Variants in ARHGAP29 observed in about 807,000 individuals in gnomAD.
ARHGAP29 encodes the protein Rho GTPase activating protein 29.
A neutral mutation model predicts 122.6 loss-of-function variants in ARHGAP29; 43 were observed. The observed-to-expected ratio is 0.35, with a 90% CI of 0.27 to 0.45. ARHGAP29 has a LOEUF of 0.45. Among genes scored for constraint, ARHGAP29 ranks in the 20% least tolerant of loss-of-function variants. The pLI is 1.00. For synonymous variants in ARHGAP29, 506 were observed against 497.1 expected, an observed-to-expected ratio of 1.02 and a Z score of -0.24; for missense variants, 1,303 against 1,477.2, an observed-to-expected ratio of 0.88 and a Z score of 1.93.
chr1:94,227,482 T>C (rs772209104), intron 2 of ARHGAP29, among the ~76,000 whole-genome samples: 3 of 151,858 alleles, frequency 2.0e-5, no homozygotes, highest in African/African-American at 4.8e-5. Context: ...TACTATATAA[T>C]AAAAAAGCTA....
At chr1:94,305,730 G>A in the ARHGAP29 span, among the ~76,000 whole-genome samples, 2 of 152,144 alleles carry the variant, frequency 1.3e-5, no homozygotes, top group East Asian at 1.9e-4. Flanking sequence ...GGAGAGAGTG[G>A]GAATAGAGGT....
chr1:94,211,088 CA>C (rs1034680896), intron 3 of ARHGAP29, among the ~76,000 whole-genome samples: 5 of 151,528 alleles, frequency 3.3e-5, no homozygotes, highest in African/African-American at 1.2e-4. Flanking sequence ...AGTTCAAGAC[CA>C]GCCTGGGCAA....
chr1:94,204,145 T>A (rs77020055), intron 7 of ARHGAP29, 151 bp from the exon 8 acceptor site: 12 of 167,404 alleles, frequency 7.2e-5, no homozygotes, highest in East Asian at 1.3e-4. Context: ...TCTTTCTTCC[T>A]TTTTTTTTTT....
the ARHGAP29 span, among the ~76,000 whole-genome samples, chr1:94,298,459 C>T: frequency 1.3e-5 from 2 of 152,176 alleles, no homozygotes; most frequent in African/African-American, 4.8e-5. Flanking sequence ...CAACTTTTAA[C>T]GATTGCAAGA....
At chr1:94,270,602 T>C (rs1258408495) in intron 1 of ARHGAP29, among the ~76,000 whole-genome samples, 1 of 152,210 alleles carries the variant, frequency 6.6e-6, no homozygotes, top group Non-Finnish European at 1.5e-5. Flanking sequence ...CAGGACCTCA[T>C]GACCACAGCT....
intron 15 of ARHGAP29, among the ~76,000 whole-genome samples, chr1:94,188,279 T>C (rs1419707365): frequency 6.6e-6 from 1 of 152,130 alleles, no homozygotes; most frequent in Non-Finnish European, 1.5e-5. Context: ...TAAAGCACAT[T>C]TGTAAAAAAT....
chr1:94,261,694 C>G (rs1291821771), intron 1 of ARHGAP29, among the ~76,000 whole-genome samples: 1 of 152,094 alleles, frequency 6.6e-6, no homozygotes, highest in Non-Finnish European at 1.5e-5. Flanking sequence ...ATACAGCTAA[C>G]AAGGGAGGTG....
Position 94,172,164 on chromosome 1 carries a change from G to A in ARHGAP29, c.*1705C>T, listed in dbSNP as rs141171232. 3 of 152,084 alleles carry A rather than the reference G, an allele frequency of 2.0e-5. No homozygotes were observed. The highest frequency in any genetic ancestry group is 7.2e-5 in the African/African-American group (3 of 41,414). 9.4% of individuals were successfully genotyped at this position (152,084 alleles called of 1,614,324 possible). ...CCTGTTACACCTGTGGAACACTGAA[G>A]CAAGTCATTTAACTAAGCCTTAGTT... On this transcript the variant is annotated 3_prime_UTR_variant, in exon 23 of 23. Transcript: ENST00000260526.
At chr1:94,307,657 G>T in the ARHGAP29 span, among the ~76,000 whole-genome samples, 1 of 151,960 alleles carries the variant, frequency 6.6e-6, no homozygotes, top group Non-Finnish European at 1.5e-5. Context: ...ATAAGATAAA[G>T]GTAGCATTTC....
intron 1 of ARHGAP29, among the ~76,000 whole-genome samples, chr1:94,270,103 T>C (rs1467613331): frequency 5.9e-5 from 9 of 152,278 alleles, no homozygotes; most frequent in East Asian, 1.9e-4. Flanking sequence ...CACTATGACA[T>C]TGATAAATTC....
chr1:94,309,832 G>T, the ARHGAP29 span, among the ~76,000 whole-genome samples: 1 of 152,094 alleles, frequency 6.6e-6, no homozygotes, highest in Non-Finnish European at 1.5e-5. Flanking sequence ...GGTAAATGGC[G>T]ATCTCCCTTA....
chr1:94,171,520 G>A lies in ARHGAP29; in HGVS notation c.*2349C>T, dbSNP rs113152536. Reference sequence around the variant, plus strand: ...GCTGTTGCCCTTTCCTTTTGGTCACGTATCTTTCCATGTTGCAAAAAACAA... The same window carrying A: ...GCTGTTGCCCTTTCCTTTTGGTCACATATCTTTCCATGTTGCAAAAAACAA... On this transcript the variant is annotated 3_prime_UTR_variant, in exon 23 of 23. Transcript: ENST00000260526. 2.0e-3 allele frequency among the ~76,000 whole-genome samples: 299 copies of A among 152,230 alleles called. 2 individuals are homozygous for A. The highest frequency in any genetic ancestry group is 6.9e-3 in the African/African-American group (286 of 41,546).
chr1:94,237,945 G>A (rs990453843), upstream of ARHGAP29, among the ~76,000 whole-genome samples: 4 of 152,026 alleles, frequency 2.6e-5, no homozygotes, highest in Admixed American at 6.5e-5. Flanking sequence ...AGGGCCTGGG[G>A]AAGGGCGCCA....
In ARHGAP29 at chr1:94,184,970, C is replaced by T. The variant is rs757737646; in HGVS notation, c.2011G>A (p.Ala671Thr). ...TTTTTTGCAACTTGTGTGAATTCTG[C>T]TCCAAATAAGTGTATTTTTCCTGGA... ...KLPGKIHLFG[A>T]EFTQVAKKEP... Residue 671 changes from alanine (A) to threonine (T), a missense_variant, in exon 18 of 23, where the codon GCA (alanine) becomes ACA (threonine). Around this residue, in one of 3 missense-constraint regions of ARHGAP29, gnomAD observed 91 missense variants for 177.8 expected, o/e 0.51. Transcript: ENST00000260526. 3.7e-6 allele frequency: 6 copies of T among 1,613,480 alleles called. No individual in the cohort carries two copies. In the East Asian group the frequency reaches 6.7e-5, roughly 18 times the overall value.
chr1:94,241,722 TATA>T (rs146499528), upstream of ARHGAP29, among the ~76,000 whole-genome samples: 121,506 of 140,950 alleles, frequency 0.86, 52,019 homozygotes, highest in Non-Finnish European at 0.9. Context: ...ATAATTTATA[TATA>T]ATATATATTT....
Position 94,179,932 on chromosome 1 carries a change from C to A in ARHGAP29, c.2273G>T (p.Arg758Leu), listed in dbSNP as rs41311170. The A allele has an allele frequency of 3.9e-5, 62 of 1,605,700 alleles. No homozygotes were observed. Among genetic ancestry groups the A allele is most frequent in the Non-Finnish European group, 4.9e-5 (58 of 1,177,596 alleles). ...AAGGTCTATAAATTCCTTGTACAAT[C>A]GAAATAAAATAAATGGTTCTGGGAG... ...RQLPEPFILF[R>L]LYKEFIDLAK... Residue 758 changes from arginine to leucine, a missense_variant, in exon 20 of 23, where the codon CGA becomes CTA. Physicochemically the swap from Arg to Leu is moderately radical, Grantham distance 102. Around this residue, in one of 3 missense-constraint regions of ARHGAP29, gnomAD observed 620 missense variants for 651.2 expected, o/e 0.95. Coordinates refer to ENST00000260526, the MANE Select transcript of ARHGAP29 (RefSeq NM_004815.4).
intron 11 of ARHGAP29, chr1:94,202,229 C>T: frequency 1.9e-6 from 1 of 538,102 alleles, no homozygotes; most frequent in African/African-American, 1.9e-5. Flanking sequence ...TACACACACA[C>T]ACTTGCCTAA....
chr1:94,187,837 A>G (rs1201298427), intron 15 of ARHGAP29, among the ~76,000 whole-genome samples: 1 of 152,120 alleles, frequency 6.6e-6, no homozygotes, highest in African/African-American at 2.4e-5. Flanking sequence ...ACATTTCCAG[A>G]ATGTTCCTTG....
chr1:94,177,736 A>G lies in ARHGAP29; in HGVS notation c.2797-16T>C, dbSNP rs1196322004. ...TATGGATATCCTGTTGATGCAAGAT[A>G]ATTTTTAAAATGGAAGAAGTAAAAC... On this transcript the variant is annotated splice_polypyrimidine_tract_variant and intron_variant, in intron 21 of 22. Coordinates refer to ENST00000260526, the MANE Select transcript of ARHGAP29 (RefSeq NM_004815.4). 5 of 1,595,862 alleles carry G rather than the reference A, an allele frequency of 3.1e-6. No homozygotes were observed. The highest frequency in any genetic ancestry group is 4.3e-6 in the Non-Finnish European group (5 of 1,170,972).
Sources: allele counts gnomAD v4.1 joint callset (sites outside exome capture counted in the v4.1 genomes callset), GRCh38; gene constraint gnomAD v4.1.1; regional missense constraint gnomAD v4.1.1; transcripts MANE v1.5; gene names NCBI Gene and HGNC (gene_info 2026-07-23, HGNC 2026-07-21).